Variants in PI4KA observed in about 807,000 individuals in gnomAD.
PI4KA encodes PI4-kinase alpha.
A neutral mutation model predicts 271.4 loss-of-function variants in PI4KA; 122 were observed. That is an observed-to-expected ratio of 0.45 (90% confidence interval 0.39 to 0.52). The LOEUF is 0.52. PI4KA is among the 20% of genes least tolerant of loss of function. The pLI is 0.00. For synonymous variants in PI4KA, 1,041 were observed against 1,078.8 expected (o/e 0.96, Z 0.69); for missense variants, 1,969 against 2,769.1 (o/e 0.71, Z 6.48).
At chr22:20,787,106 C>T in intron 19 of PI4KA, 1 of 1,554,328 alleles carries the variant, frequency 6.4e-7, no homozygotes, top group Non-Finnish European at 8.9e-7. Context: ...TGGGGGCACC[C>T]TCATTTTGTT....
At position 20,760,970 on chromosome 22, in the gene PI4KA, G is replaced by A. The variant is rs144863774; in HGVS notation, c.2791+334C>T. Among the ~76,000 whole-genome samples, 46 of 152,282 alleles carry A rather than the reference G, an allele frequency of 3.0e-4. No homozygotes were observed. In the East Asian group the frequency reaches 7.9e-3, roughly 26 times the overall value. ...CAAACTACTGTTTCCTGCTCCTGAC[G>A]TTTAAAAACCATGACTGCTCTCTGG... On this transcript the variant is annotated intron_variant, in intron 23 of 54. Transcript: ENST00000255882.
Position 20,802,020 on chromosome 22 carries a change from G to A in PI4KA, c.1677C>T (p.Pro559=), listed in dbSNP as rs756460957. The change falls in exon 14 of 55, where the codon CCC becomes CCT. Residue 559 remains proline (P), a synonymous_variant. Transcript: ENST00000255882. ...LNVMSGKKSQ[P]SMYEQLRDIA... The stretch of plus-strand genomic sequence containing the variant: ...TGTCTCGGAGCTGCTCGTACATGGA[G>A]GGCTGGCTCTTCTTACCCGACATGA... The A allele has an allele frequency of 6.2e-7, 1 of 1,614,182 alleles. No individual in the cohort carries two copies. The highest frequency in any genetic ancestry group is 2.2e-5 in the East Asian group (1 of 44,892).
intron 23 of PI4KA, among the ~76,000 whole-genome samples, chr22:20,757,380 TGAG>T (rs1182157117): frequency 6.6e-6 from 1 of 152,156 alleles, no homozygotes; most frequent in African/African-American, 2.4e-5. Context: ...TGAATTAAGG[TGAG>T]GAGGAACAAT....
At position 20,729,987 on chromosome 22, in the gene PI4KA, A is replaced by G. The variant is rs749640991; in HGVS notation, c.4313T>C (p.Leu1438Pro). ...PPDNQDTRSN[L>P]DITVGSRQQA... is the part of the protein sequence containing the mutation. ...TTGCCGAGAGCCGACAGTTATGTCCAGGTTGCTCCGGGTGTCCTGATTATC... is the reference window on the plus strand; with the variant it reads ...TTGCCGAGAGCCGACAGTTATGTCCGGGTTGCTCCGGGTGTCCTGATTATC... The change falls in exon 37 of 55, where the codon CTG becomes CCG. Residue 1438 changes from leucine to proline, a missense_variant. This residue lies in a region of PI4KA where 23 missense variants were observed against 23.2 expected (regional missense o/e 0.99). Transcript: ENST00000255882. 2 of 1,614,210 alleles carry G rather than the reference A, an allele frequency of 1.2e-6. No individual in the cohort carries two copies. The highest frequency in any genetic ancestry group is 2.2e-5 in the East Asian group (1 of 44,886).
At chr22:20,821,646 G>A (rs1922696840) in intron 4 of PI4KA, among the ~76,000 whole-genome samples, 1 of 151,776 alleles carries the variant, frequency 6.6e-6, no homozygotes, top group Non-Finnish European at 1.5e-5. Flanking sequence ...AGGCTGCAGT[G>A]CAATGGCATG....
At chr22:20,800,263 G>C (rs1935220304) in intron 14 of PI4KA, among the ~76,000 whole-genome samples, 1 of 152,222 alleles carries the variant, frequency 6.6e-6, no homozygotes, top group Admixed American at 6.5e-5. Context: ...TTGGAAAACA[G>C]TTTGAGTCTG....
intron 32 of PI4KA, among the ~76,000 whole-genome samples, chr22:20,737,041 C>G (rs574912905): frequency 1.3e-5 from 2 of 152,294 alleles, no homozygotes; most frequent in Non-Finnish European, 2.9e-5. Flanking sequence ...GTGGTTGGAC[C>G]CATTAGTTGG....
chr22:20,724,633 T>A (rs924246164), intron 42 of PI4KA, among the ~76,000 whole-genome samples: 25 of 151,980 alleles, frequency 1.6e-4, no homozygotes, highest in African/African-American at 5.8e-4. Flanking sequence ...CAAAAAAAAA[T>A]TCCCTAAAAA....
intron 42 of PI4KA, 78 bp from the exon 43 acceptor site, chr22:20,721,496 C>A: frequency 1.3e-6 from 2 of 1,510,164 alleles, no homozygotes; most frequent in South Asian, 2.3e-5. Context: ...TGCTGACTCC[C>A]GGCATTTGGT....
intron 19 of PI4KA, among the ~76,000 whole-genome samples, chr22:20,773,362 G>A (rs1401363205): frequency 6.6e-6 from 1 of 152,134 alleles, no homozygotes; most frequent in Non-Finnish European, 1.5e-5. Flanking sequence ...CTCCAGCATG[G>A]GCAGCAGCGC....
chr22:20,735,049 G>A (rs1326598257), intron 32 of PI4KA, among the ~76,000 whole-genome samples: 1 of 152,026 alleles, frequency 6.6e-6, no homozygotes, highest in Admixed American at 6.6e-5. Context: ...TGGAGCCGAG[G>A]CGAGCCTGCA....
intron 44 of PI4KA, 181 bp from the exon 45 acceptor site, chr22:20,717,959 C>A (rs1469145166): frequency 1.6e-6 from 1 of 613,502 alleles, no homozygotes; most frequent in East Asian, 2.9e-5. Flanking sequence ...ATGGAGAATC[C>A]CCGACAGCCC....
At chr22:20,837,040 T>C (rs1924954099) in intron 2 of PI4KA, among the ~76,000 whole-genome samples, 2 of 152,194 alleles carry the variant, frequency 1.3e-5, no homozygotes, top group South Asian at 4.1e-4. Context: ...TTTATATTTA[T>C]GTAGGATATG....
At position 20,713,288 on chromosome 22, in the gene PI4KA, C is replaced by G. The variant is rs777658730; in HGVS notation, c.5564G>C (p.Cys1855Ser). Residue 1855 changes from cysteine (C) to serine (S), a missense_variant, in exon 48 of 55, where the codon TGC becomes TCC. Physicochemically the swap from Cys to Ser is moderately radical, Grantham distance 112. Around this residue, in one of 13 missense-constraint regions of PI4KA, gnomAD observed 388 missense variants for 521.5 expected, o/e 0.74. Transcript: ENST00000255882. The part of the protein sequence containing the change: ...QAAIFKVGDD[C>S]RQDMLALQII... ...AGGCCTGACCCTGCTTACCTGCCGG[C>G]AGTCGTCTCCCACCTTGAAGATGGC... is the stretch of plus-strand genomic sequence containing the variant. The G allele has an allele frequency of 6.3e-6, 10 of 1,579,450 alleles. No individual in the cohort carries two copies. The South Asian group carries it at 1.2e-4, about 18-fold the overall frequency.
intron 23 of PI4KA, among the ~76,000 whole-genome samples, chr22:20,759,952 A>G (rs1218568177): frequency 1.1e-4 from 16 of 152,204 alleles, no homozygotes; most frequent in Admixed American, 1.3e-4. Context: ...TACCTGCCTC[A>G]GCTTCCCAAA....
chr22:20,820,220 A>T (rs1288247393), intron 5 of PI4KA, among the ~76,000 whole-genome samples: 1 of 152,202 alleles, frequency 6.6e-6, no homozygotes, highest in Non-Finnish European at 1.5e-5. Context: ...TCCTCTTAGG[A>T]GCATATTGGT....
intron 19 of PI4KA, among the ~76,000 whole-genome samples, chr22:20,788,291 A>C (rs1406146726): frequency 6.6e-6 from 1 of 152,180 alleles, no homozygotes; most frequent in Non-Finnish European, 1.5e-5. Context: ...GACTCCAGGG[A>C]CCACACAAGG....
intron 36 of PI4KA, among the ~76,000 whole-genome samples, chr22:20,732,336 C>G (rs747441089): frequency 1.3e-4 from 20 of 152,282 alleles, no homozygotes; most frequent in Non-Finnish European, 2.2e-4. Context: ...GCCAAGATTG[C>G]GCTACTGCAC....
rs147927605 is a variant in PI4KA at position 20,798,609 on chromosome 22, T to C, written c.2083A>G (p.Lys695Glu). 4.3e-5 allele frequency: 69 copies of C among 1,612,170 alleles called. No individual in the cohort carries two copies. The highest frequency in any genetic ancestry group is 5.5e-5 in the Non-Finnish European group (65 of 1,178,302). The change falls in exon 17 of 55, where the codon AAA (lysine) becomes GAA (glutamate). Residue 695 changes from lysine (K) to glutamate (E), a missense_variant. Transcript: ENST00000255882. ...CTATAGCCGTGGTCCTTGTAATCTT[T>C]GGTGGCTGAGTATACAACGGAGCTG... Reference protein sequence around the residue: ...KASSVVYSATKDYKDHGYRHC... With the variant: ...KASSVVYSATEDYKDHGYRHC...
Sources: gnomAD v4.1 joint callset for allele counts (sites outside exome capture counted in the v4.1 genomes callset) on GRCh38, gnomAD v4.1.1 for gene constraint, gnomAD v4.1.1 regional missense constraint, MANE v1.5 for transcripts, NCBI Gene and HGNC (gene_info 2026-07-23, HGNC 2026-07-21) for gene names.